CREB5: variants seen among roughly 807,000 people sequenced by gnomAD.
The protein encoded by CREB5 is cyclic AMP-responsive element-binding protein 5.
Under a neutral mutation model 57.1 loss-of-function variants are expected in CREB5, and 19 were observed. The ratio of observed to expected loss-of-function variants is 0.33; its 90% CI spans 0.23 to 0.49. The LOEUF is 0.49. Ranked by LOEUF, CREB5 falls within the 20% of genes least tolerant of loss-of-function variation. The probability of loss-of-function intolerance (pLI) is 0.99; values close to 1 mark genes in which losing one functional copy is unlikely to be tolerated. For missense variants in CREB5, 579 were observed against 671.6 expected, an observed-to-expected ratio of 0.86 and a Z score of 1.52; for synonymous variants, 238 against 238.3, an observed-to-expected ratio of 1.00 and a Z score of 0.01.
At chr7:28,400,860 CT>C (rs1365857543) in intron 1 of CREB5, among the ~76,000 whole-genome samples, 3 of 152,132 alleles carry the variant, frequency 2.0e-5, no homozygotes, top group Non-Finnish European at 1.5e-5. Context: ...AAAAGAAGTG[CT>C]ATGTGAAATA....
rs1809953939 is a variant in CREB5, at chr7:28,824,418, C to T, written c.*5139C>T. On this transcript the variant is annotated 3_prime_UTR_variant, in exon 11 of 11. Coordinates refer to ENST00000357727, the MANE Select transcript of CREB5 (RefSeq NM_182898.4). ...GACTGTTGTCCTAGCCATAGACTCT[C>T]TGAGGCCACTGAAAGAACAGTGGCC... The T allele has an allele frequency of 6.6e-6, 1 of 152,616 alleles. No individual in the cohort carries two copies. The highest frequency in any genetic ancestry group is 2.4e-5 in the African/African-American group (1 of 41,444). The allele number at this position is 152,616 out of a possible 1,614,324, so 9.5% of individuals were successfully genotyped here. A position where few individuals can be genotyped will look rare whatever the true frequency, so the allele number is the denominator to read the frequency against.
chr7:28,466,652 G>T (rs1300662990), intron 1 of CREB5, among the ~76,000 whole-genome samples: 1 of 152,004 alleles, frequency 6.6e-6, no homozygotes, highest in East Asian at 1.9e-4. Flanking sequence ...TCCCAAATAT[G>T]CCCTGAATGG....
intron 1 of CREB5, among the ~76,000 whole-genome samples, chr7:28,301,009 A>G (rs1470770719): frequency 6.6e-6 from 1 of 152,210 alleles, no homozygotes; most frequent in Non-Finnish European, 1.5e-5. Flanking sequence ...TAGAAATTTA[A>G]GAACCACTGC....
At chr7:28,604,541 A>G (rs1797037736) in intron 5 of CREB5, among the ~76,000 whole-genome samples, 2 of 152,052 alleles carry the variant, frequency 1.3e-5, no homozygotes, top group African/African-American at 4.8e-5. Flanking sequence ...TGGTCAGATA[A>G]TGTATCCAAT....
chr7:28,411,009 G>T (rs767188366), upstream of CREB5, among the ~76,000 whole-genome samples: 7 of 152,222 alleles, frequency 4.6e-5, no homozygotes, highest in East Asian at 1.4e-3. Flanking sequence ...GGGCGAGCAC[G>T]GTCCCTGGAG....
rs201772692 is a variant in CREB5 at position 28,614,648 on chromosome 7, T to A, written c.464+44111T>A. Among the ~76,000 whole-genome samples, 10 of 152,344 alleles carry A rather than the reference T, an allele frequency of 6.6e-5. No individual in the cohort carries two copies. In the East Asian group the frequency reaches 1.9e-3, roughly 29 times the overall value. On this transcript the variant is annotated intron_variant, in intron 5 of 10. Transcript: ENST00000357727. ...TAGCTTCCAGCTTTTTGATTTAATT[T>A]AATTTTTAAGAATTTAGAAAAACAG...
At chr7:28,488,800 T>C (rs989651237) in intron 2 of CREB5, among the ~76,000 whole-genome samples, 8 of 152,228 alleles carry the variant, frequency 5.3e-5, no homozygotes, top group Non-Finnish European at 1.2e-4. Context: ...TAGCCTCTGA[T>C]GGCTTCCATC....
chr7:28,394,499 G>T (rs577595753), intron 1 of CREB5, among the ~76,000 whole-genome samples: 9 of 152,246 alleles, frequency 5.9e-5, no homozygotes, highest in African/African-American at 2.2e-4. Flanking sequence ...AGGGAGAAAG[G>T]TACACCATGC....
At chr7:28,780,441 G>T (rs1806907634) in intron 7 of CREB5, among the ~76,000 whole-genome samples, 1 of 152,176 alleles carries the variant, frequency 6.6e-6, no homozygotes, top group South Asian at 2.1e-4. Flanking sequence ...TAAAATCAGG[G>T]CTAGGTGGAG....
chr7:28,619,745 G>A (rs569173034), intron 5 of CREB5, among the ~76,000 whole-genome samples: 1 of 152,290 alleles, frequency 6.6e-6, no homozygotes, highest in African/African-American at 2.4e-5. Context: ...GGATGACGAT[G>A]AAGGAAACCC....
chr7:28,604,225 C>G (rs950290371), intron 5 of CREB5, among the ~76,000 whole-genome samples: 1 of 152,292 alleles, frequency 6.6e-6, no homozygotes, highest in African/African-American at 2.4e-5. Context: ...GACTAGATCT[C>G]ACCACCTCTG....
At chr7:28,757,389 T>C (rs1272494270) in intron 7 of CREB5, among the ~76,000 whole-genome samples, 1 of 152,086 alleles carries the variant, frequency 6.6e-6, no homozygotes. Context: ...AGTAATAGTA[T>C]GGGCTGGGCA....
chr7:28,572,849 A>C (rs1332751168), intron 5 of CREB5, among the ~76,000 whole-genome samples: 2 of 152,066 alleles, frequency 1.3e-5, no homozygotes, highest in African/African-American at 4.8e-5. Flanking sequence ...CCTTTTGGAC[A>C]CACTCCATCT....
intron 5 of CREB5, among the ~76,000 whole-genome samples, chr7:28,678,114 G>A (rs1049362833): frequency 6.6e-6 from 1 of 152,238 alleles, no homozygotes; most frequent in Non-Finnish European, 1.5e-5. Flanking sequence ...GAGGCTGGGT[G>A]CAGTGGCTCA....
At chr7:28,520,672 A>G (rs571148643) in intron 4 of CREB5, among the ~76,000 whole-genome samples, 5 of 152,364 alleles carry the variant, frequency 3.3e-5, no homozygotes, top group East Asian at 3.9e-4. Flanking sequence ...TAGAAAGACT[A>G]TCTCTGAGAT....
intron 5 of CREB5, among the ~76,000 whole-genome samples, chr7:28,628,014 G>A (rs1798066788): frequency 6.6e-6 from 1 of 151,966 alleles, no homozygotes; most frequent in South Asian, 2.1e-4. Flanking sequence ...CCACTATCAC[G>A]CAGCAGTAAT....
intron 4 of CREB5, among the ~76,000 whole-genome samples, chr7:28,509,548 T>C (rs776772023): frequency 4.6e-5 from 7 of 152,364 alleles, no homozygotes; most frequent in Non-Finnish European, 8.8e-5. Context: ...CATATTTTAC[T>C]TCCTCCCTAG....
At chr7:28,534,752 A>G (rs1490046965) in intron 4 of CREB5, among the ~76,000 whole-genome samples, 1 of 142,166 alleles carries the variant, frequency 7.0e-6, no homozygotes, top group Non-Finnish European at 1.6e-5. Flanking sequence ...TGTAGTGCTT[A>G]TAGAAATTAA....
chr7:28,821,715 A>G lies in CREB5; in HGVS notation c.*2436A>G, dbSNP rs1809782089. On this transcript the variant is annotated 3_prime_UTR_variant, in exon 11 of 11. Transcript: ENST00000357727. ...TTGAAATCAAAAATCATATTTCAAA[A>G]TTCTTTCCTAGGACCATCTATGTGT... is the stretch of plus-strand genomic sequence containing the variant. 6.6e-6 allele frequency: 1 copy of G among 152,364 alleles called. No homozygotes were observed. Among genetic ancestry groups the G allele is most frequent in the Admixed American group, 6.5e-5 (1 of 15,274 alleles). 9.4% of individuals were successfully genotyped at this position (152,364 alleles called of 1,614,324 possible). A position where few individuals can be genotyped will look rare whatever the true frequency, so the allele number is the denominator to read the frequency against.
Sources: gnomAD v4.1 joint callset for allele counts (sites outside exome capture counted in the v4.1 genomes callset) on GRCh38, gnomAD v4.1.1 for gene constraint, MANE v1.5 for transcripts, NCBI Gene and HGNC (gene_info 2026-07-23, HGNC 2026-07-21) for gene names.